The following MTA3 variants were observed in gnomAD, a reference collection of about 807,000 sequenced individuals.
The protein encoded by MTA3 is metastasis-associated protein MTA3.
A neutral mutation model predicts 83.5 loss-of-function variants in MTA3; 34 were observed. That is an observed-to-expected ratio of 0.41 (90% CI 0.31 to 0.54). The LOEUF is 0.54. Ranked by LOEUF, MTA3 falls within the 20% of genes least tolerant of loss-of-function variation. MTA3 has a pLI of 0.33. For missense variants in MTA3, 761 were observed against 726.4 expected (o/e 1.05, Z -0.55); for synonymous variants, 303 against 252.7 (o/e 1.20, Z -1.89).
chr2:42,643,514 T>C (rs529788018), intron 5 of MTA3, among the ~76,000 whole-genome samples: 14 of 152,320 alleles, frequency 9.2e-5, no homozygotes, highest in African/African-American at 2.4e-4. Context: ...TATATAGCTA[T>C]GTTTGTATAT....
At chr2:42,546,301 T>C (rs1030362614) in intron 2 of MTA3, among the ~76,000 whole-genome samples, 1 of 151,984 alleles carries the variant, frequency 6.6e-6, no homozygotes, top group Non-Finnish European at 1.5e-5. Context: ...TAGTGGAGGG[T>C]GTGGCCTGGC....
rs556364760 is a variant in MTA3, at chr2:42,695,873, C to T, written c.966+34C>T. 6.1e-6 allele frequency: 8 copies of T among 1,319,542 alleles called. No homozygotes were observed. In the East Asian group the frequency reaches 7.3e-5, roughly 12 times the overall value. The allele number at this position is 1,319,542 out of a possible 1,614,324, so 81.7% of individuals were successfully genotyped here. A position where few individuals can be genotyped will look rare whatever the true frequency, so the allele number is the denominator to read the frequency against. Reference sequence around the variant, plus strand: ...TTTCATATTGCTACCAATATGGTTGCATTTAAGTGAACTTTCTGTTTATAT... The same window carrying T: ...TTTCATATTGCTACCAATATGGTTGTATTTAAGTGAACTTTCTGTTTATAT... On this transcript the variant is annotated intron_variant, in intron 10 of 16. Transcript: ENST00000405094.
At chr2:42,745,851 G>A (rs1669375557) in intron 16 of MTA3, among the ~76,000 whole-genome samples, 1 of 51,000 alleles carries the variant, frequency 2.0e-5, no homozygotes, top group Non-Finnish European at 3.9e-5. Context: ...GTCTCGCTCT[G>A]TCACCAGATG....
At position 42,552,807 on chromosome 2, in the gene MTA3, A is replaced by G. The variant is rs554329248; in HGVS notation, c.-140-17630A>G. ...TCTACTAAAAATACAAAAATTAGCC[A>G]GGTGTGGCGGCACATGCCTGTAGTC... On this transcript the variant is annotated intron_variant, in intron 2 of 17. Coordinates refer to the MTA3 transcript ENST00000405592. 4.6e-5 allele frequency among the ~76,000 whole-genome samples: 7 copies of G among 152,002 alleles called. No homozygotes were observed. The South Asian group carries it at 1.2e-3, about 27-fold the overall frequency.
At chr2:42,654,963 T>C (rs1689028087) in intron 6 of MTA3, among the ~76,000 whole-genome samples, 1 of 149,140 alleles carries the variant, frequency 6.7e-6, no homozygotes, top group Non-Finnish European at 1.5e-5. Flanking sequence ...TCACAAAACT[T>C]GAAATCTACA....
chr2:42,541,189 G>T (rs555728845), intron 2 of MTA3, among the ~76,000 whole-genome samples: 73 of 152,184 alleles, frequency 4.8e-4, no homozygotes, highest in African/African-American at 1.7e-3. Context: ...GCACCACCAT[G>T]CCCGGCTAAT....
chr2:42,645,175 CAA>C (rs1224226672), intron 6 of MTA3, among the ~76,000 whole-genome samples: 905 of 39,670 alleles, frequency 0.023, 3 homozygotes, highest in African/African-American at 0.076. Flanking sequence ...GACTCTGTCT[CAA>C]AAAAAAAAAA....
At chr2:42,661,415 T>G (rs1409273799) in intron 8 of MTA3, among the ~76,000 whole-genome samples, 1 of 148,474 alleles carries the variant, frequency 6.7e-6, no homozygotes, top group Non-Finnish European at 1.5e-5. Context: ...ATGGGGAGAT[T>G]GCTTGAGCCT....
chr2:42,593,456 T>G (rs1049630567), intron 3 of MTA3, among the ~76,000 whole-genome samples: 3 of 152,244 alleles, frequency 2.0e-5, no homozygotes, highest in African/African-American at 7.2e-5. Flanking sequence ...TACATTTATT[T>G]GATGGGCAGT....
intron 2 of MTA3, among the ~76,000 whole-genome samples, chr2:42,502,387 G>T (rs79728113): frequency 1.3e-5 from 2 of 152,314 alleles, no homozygotes; most frequent in East Asian, 1.9e-4. Flanking sequence ...GTGTTTGGTG[G>T]AGGTACGGGT....
chr2:42,645,708 G>A (rs1688117625), intron 6 of MTA3, among the ~76,000 whole-genome samples: 1 of 152,176 alleles, frequency 6.6e-6, no homozygotes, highest in East Asian at 1.9e-4. Context: ...ACTGAGAGGT[G>A]AGGAAGCTGG....
intron 11 of MTA3, among the ~76,000 whole-genome samples, chr2:42,701,948 C>T (rs1222241763): frequency 3.3e-5 from 5 of 150,412 alleles, no homozygotes; most frequent in Admixed American, 6.6e-5. Flanking sequence ...TGGTGGCTCA[C>T]GCCTGTAATC....
At chr2:42,689,099 GT>G in intron 9 of MTA3, among the ~76,000 whole-genome samples, 1 of 152,230 alleles carries the variant, frequency 6.6e-6, no homozygotes, top group Middle Eastern at 3.4e-3. Context: ...ATTATGGAAT[GT>G]TTATCTCTTT....
chr2:42,648,453 GGCA>G (rs1041366099), intron 6 of MTA3, among the ~76,000 whole-genome samples: 2 of 152,188 alleles, frequency 1.3e-5, no homozygotes, highest in African/African-American at 4.8e-5. Flanking sequence ...TTGGGTAGGT[GGCA>G]GCAGCAGCAC....
chr2:42,553,298 C>A (rs1677208394), intron 2 of MTA3, among the ~76,000 whole-genome samples: 1 of 151,856 alleles, frequency 6.6e-6, no homozygotes, highest in South Asian at 2.1e-4. Flanking sequence ...GTGGCGGGTG[C>A]CTGTAGTCCC....
At chr2:42,748,071 C>G (rs1189256987) in intron 16 of MTA3, among the ~76,000 whole-genome samples, 2 of 152,044 alleles carry the variant, frequency 1.3e-5, no homozygotes, top group Non-Finnish European at 2.9e-5. Context: ...CCTCTGTCGC[C>G]AGGTGGGAGT....
chr2:42,496,471 T>C (rs1674139784), intron 2 of MTA3, among the ~76,000 whole-genome samples: 1 of 152,144 alleles, frequency 6.6e-6, no homozygotes, highest in African/African-American at 2.4e-5. Flanking sequence ...TGTTGAGAAG[T>C]ATTACATCCA....
chr2:42,538,988 A>T (rs1054552004), intron 2 of MTA3, among the ~76,000 whole-genome samples: 1 of 151,066 alleles, frequency 6.6e-6, no homozygotes, highest in African/African-American at 2.4e-5. Flanking sequence ...GTTAGCCAGG[A>T]TGGTCTCGAT....
intron 2 of MTA3, among the ~76,000 whole-genome samples, chr2:42,577,287 G>C (rs1679165715): frequency 6.6e-6 from 1 of 151,598 alleles, no homozygotes; most frequent in Non-Finnish European, 1.5e-5. Flanking sequence ...TTGTAGAGGG[G>C]AAGAGGAATA....
Sources: gnomAD v4.1 joint callset for allele counts (sites outside exome capture counted in the v4.1 genomes callset) on GRCh38, gnomAD v4.1.1 for gene constraint, MANE v1.5 for transcripts, NCBI Gene and HGNC (gene_info 2026-07-23, HGNC 2026-07-21) for gene names.